Variants in CCSER1 observed in about 807,000 individuals in gnomAD.
The protein encoded by CCSER1 is coiled-coil serine rich protein 1, also known as serine-rich coiled-coil domain-containing protein 1.
Under a neutral mutation model 82.0 loss-of-function variants are expected in CCSER1, and 41 were observed. That is an observed-to-expected ratio of 0.50 (90% confidence interval 0.39 to 0.65). The LOEUF (loss-of-function observed/expected upper bound fraction) is 0.65, where lower values mean the gene tolerates loss of function less well. Among genes scored for constraint, CCSER1 ranks in the 30% least tolerant of loss-of-function variants. CCSER1 has a pLI of 0.00. For synonymous variants in CCSER1, 414 were observed against 383.9 expected (o/e 1.08, Z -0.92); for missense variants, 1,119 against 1,064.2 (o/e 1.05, Z -0.72).
At chr4:91,481,583 C>A (rs1757919157) in intron 10 of CCSER1, among the ~76,000 whole-genome samples, 1 of 152,022 alleles carries the variant, frequency 6.6e-6, no homozygotes, top group Non-Finnish European at 1.5e-5. Context: ...CAATTTAGCC[C>A]CTAACATGAG....
At chr4:90,410,018 T>G (rs547786770) in intron 4 of CCSER1, among the ~76,000 whole-genome samples, 8 of 151,368 alleles carry the variant, frequency 5.3e-5, no homozygotes, top group African/African-American at 1.7e-4. Context: ...CCAACAAAGA[T>G]CAAAAGGGAC....
At chr4:91,553,463 T>TAG (rs1578773104) in intron 10 of CCSER1, among the ~76,000 whole-genome samples, 1 of 151,510 alleles carries the variant, frequency 6.6e-6, no homozygotes, top group Non-Finnish European at 1.5e-5. Flanking sequence ...GAAAGATAGA[T>TAG]ATTAATTGTG....
chr4:90,706,077 C>T (rs1040048602), intron 6 of CCSER1, among the ~76,000 whole-genome samples: 1 of 152,176 alleles, frequency 6.6e-6, no homozygotes, highest in Non-Finnish European at 1.5e-5. Flanking sequence ...ATGTTGGGAG[C>T]TGTAGACTGG....
chr4:90,525,154 AAT>A (rs1054648094), intron 5 of CCSER1, among the ~76,000 whole-genome samples: 76 of 152,262 alleles, frequency 5.0e-4, no homozygotes, highest in African/African-American at 1.6e-3. Flanking sequence ...GGCAAAAATC[AAT>A]AGTTTCATAT....
chr4:91,390,915 T>G (rs1751606421), intron 10 of CCSER1, among the ~76,000 whole-genome samples: 1 of 152,116 alleles, frequency 6.6e-6, no homozygotes, highest in Non-Finnish European at 1.5e-5. Flanking sequence ...AGGTCTGTAG[T>G]TATATCTCCT....
chr4:90,813,660 C>A (rs1758633751), intron 7 of CCSER1, among the ~76,000 whole-genome samples: 1 of 152,170 alleles, frequency 6.6e-6, no homozygotes, highest in Non-Finnish European at 1.5e-5. Flanking sequence ...TTGCCACTGC[C>A]ATGTAAGTAG....
At chr4:90,870,631 A>G (rs980018627) in intron 8 of CCSER1, among the ~76,000 whole-genome samples, 1 of 151,714 alleles carries the variant, frequency 6.6e-6, no homozygotes, top group Admixed American at 6.6e-5. Flanking sequence ...TTTCAGAGAT[A>G]TTGGCCTGTA....
intron 5 of CCSER1, among the ~76,000 whole-genome samples, chr4:90,590,740 C>T (rs1782591922): frequency 6.6e-6 from 1 of 152,116 alleles, no homozygotes. Context: ...ATGATGCCTC[C>T]AGCTTTGTTC....
At chr4:90,999,257 G>A (rs763717897) in intron 9 of CCSER1, among the ~76,000 whole-genome samples, 1 of 152,156 alleles carries the variant, frequency 6.6e-6, no homozygotes, top group Non-Finnish European at 1.5e-5. Context: ...AGTAATGGGA[G>A]TGTTGGGTTG....
intron 9 of CCSER1, among the ~76,000 whole-genome samples, chr4:91,059,327 T>C (rs932057322): frequency 6.7e-6 from 1 of 150,280 alleles, no homozygotes; most frequent in Admixed American, 6.7e-5. Flanking sequence ...TATATACATA[T>C]AGTGTATATA....
At chr4:91,044,045 C>T (rs1267051874) in intron 9 of CCSER1, among the ~76,000 whole-genome samples, 2 of 152,128 alleles carry the variant, frequency 1.3e-5, no homozygotes, top group Non-Finnish European at 2.9e-5. Flanking sequence ...CAGGTGTTTA[C>T]CTCCAACACA....
At chr4:91,304,973 A>T (rs566876169) in intron 10 of CCSER1, among the ~76,000 whole-genome samples, 1 of 152,084 alleles carries the variant, frequency 6.6e-6, no homozygotes, top group South Asian at 2.1e-4. Flanking sequence ...TTTAAACTAG[A>T]TTATTTTTCT....
chr4:91,066,766 T>A (rs1193516274), intron 9 of CCSER1, among the ~76,000 whole-genome samples: 2 of 152,190 alleles, frequency 1.3e-5, no homozygotes, highest in African/African-American at 4.8e-5. Context: ...GAGGCTGTTT[T>A]TCCATGCTAA....
intron 3 of CCSER1, among the ~76,000 whole-genome samples, chr4:90,395,928 A>C (rs554852033): frequency 6.6e-6 from 1 of 151,836 alleles, no homozygotes; most frequent in Admixed American, 6.6e-5. Context: ...AAAAAAAAAA[A>C]AAAGTAGCTG....
chr4:91,424,364 G>T (rs535892128), intron 10 of CCSER1, among the ~76,000 whole-genome samples: 201 of 152,150 alleles, frequency 1.3e-3, no homozygotes, highest in African/African-American at 4.8e-3. Context: ...CGGAATTTGG[G>T]TTGGTTTTTG....
At chr4:90,219,408 G>A (rs994963583) in intron 1 of CCSER1, among the ~76,000 whole-genome samples, 4 of 152,190 alleles carry the variant, frequency 2.6e-5, no homozygotes, top group African/African-American at 9.6e-5. Context: ...TGGTAAACAG[G>A]TATGCCTGAA....
chr4:90,811,995 C>CACACACACATATATAT lies in CCSER1; in HGVS notation c.2011-3766_2011-3765insCACACACATATATATA, dbSNP rs367800484. Among the ~76,000 whole-genome samples the CACACACACATATATAT allele has an allele frequency of 2.6e-3, 367 of 142,766 alleles. 1 individual carries two copies. Among genetic ancestry groups the CACACACACATATATAT allele is most frequent in the African/African-American group, 4.8e-3 (185 of 38,484 alleles). The allele number at this position is 142,766 out of a possible 152,430, so 93.7% of individuals were successfully genotyped here. A position where few individuals can be genotyped will look rare whatever the true frequency, so the allele number is the denominator to read the frequency against. Reference sequence around the variant, plus strand: ...ATATATATATATATATATATAAACACATATATATATATGAGTTTATTAAGT... The same window carrying CACACACACATATATAT: ...ATATATATATATATATATATAAACACACACACACATATATATATATATATATATGAGTTTATTAAGT... On this transcript the variant is annotated intron_variant, in intron 7 of 10. Coordinates refer to ENST00000509176, the MANE Select transcript of CCSER1 (RefSeq NM_001145065.2).
intron 9 of CCSER1, among the ~76,000 whole-genome samples, chr4:90,997,232 C>T (rs1461427330): frequency 1.3e-5 from 2 of 151,998 alleles, no homozygotes; most frequent in Non-Finnish European, 2.9e-5. Flanking sequence ...AAAATGTGTC[C>T]ACATTTCTTG....
At chr4:91,067,765 A>G (rs1239565350) in intron 9 of CCSER1, among the ~76,000 whole-genome samples, 1 of 152,162 alleles carries the variant, frequency 6.6e-6, no homozygotes, top group African/African-American at 2.4e-5. Flanking sequence ...TGGAAAAGCT[A>G]AAAAGTGGTT....
Sources: allele counts gnomAD v4.1 joint callset (sites outside exome capture counted in the v4.1 genomes callset), GRCh38; gene constraint gnomAD v4.1.1; transcripts MANE v1.5; gene names NCBI Gene and HGNC (gene_info 2026-07-23, HGNC 2026-07-21).